Variants in PACS2 observed in about 807,000 individuals in gnomAD.
PACS2 encodes phosphofurin acidic cluster sorting protein 2, also known as PACS1-like protein.
PACS2 carries 36 observed loss-of-function variants against 113.0 expected under a neutral mutation model. The observed-to-expected ratio is 0.32, with a 90% CI of 0.24 to 0.42. PACS2 has a LOEUF of 0.42. Ranked by LOEUF, PACS2 falls within the 10% of genes least tolerant of loss-of-function variation. The pLI, the probability that PACS2 is intolerant of heterozygous loss-of-function variation, is 1.00. For synonymous variants in PACS2, 589 were observed against 536.1 expected (o/e 1.10, Z -1.36); for missense variants, 1,015 against 1,239.5 (o/e 0.82, Z 2.72).
In PACS2 at chr14:105,356,067, G is replaced by A. The variant is rs1376213895; in HGVS notation, c.423+890G>A. Among the ~76,000 whole-genome samples, 14 of 152,178 alleles carry A rather than the reference G, an allele frequency of 9.2e-5. No homozygotes were observed. The highest frequency in any genetic ancestry group is 3.1e-4 in the African/African-American group (13 of 41,436). On this transcript the variant is annotated intron_variant, in intron 4 of 24. Transcript: ENST00000447393. This position sits in a 1 kb window ranked among gnomAD's most constrained non-coding sequence, Gnocchi z 4.0. ...CAGCCCCTCATTGGGAGCCGGAGAT[G>A]CCAGAGCCCCCCAGCCCCTCTTCTT... is the stretch of plus-strand genomic sequence containing the variant.
At chr14:105,359,266 C>T (rs1774432158) in intron 4 of PACS2, among the ~76,000 whole-genome samples, 1 of 152,106 alleles carries the variant, frequency 6.6e-6, no homozygotes, top group African/African-American at 2.4e-5. Flanking sequence ...TCACAGGCAC[C>T]ACTTAATGTC....
Position 105,337,061 on chromosome 14 carries a change from C to T in PACS2, c.120-11432C>T, listed in dbSNP as rs587723547. On this transcript the variant is annotated intron_variant, in intron 1 of 24. Transcript: ENST00000447393. The stretch of plus-strand genomic sequence containing the variant: ...GCATCACTGGGCCCTCGGTCAGCAC[C>T]GCGTGGCCCTCCACACTGTGGAATA... Among the ~76,000 whole-genome samples the T allele has an allele frequency of 1.2e-4, 18 of 152,328 alleles. No individual in the cohort carries two copies. The East Asian group carries it at 1.9e-3, about 16-fold the overall frequency.
intron 4 of PACS2, among the ~76,000 whole-genome samples, chr14:105,360,676 G>A (rs143889615): frequency 1.4e-4 from 22 of 152,274 alleles, no homozygotes; most frequent in Admixed American, 2.0e-4. Flanking sequence ...GAAGGCTAGG[G>A]TGCCTGTGGC....
intron 1 of PACS2, among the ~76,000 whole-genome samples, chr14:105,331,141 G>A (rs2059290387): frequency 6.6e-6 from 1 of 152,024 alleles, no homozygotes; most frequent in South Asian, 2.1e-4. Context: ...TTTTAGTAGA[G>A]ACGGGGTTTC....
chr14:105,367,393 C>T lies in PACS2; in HGVS notation c.586+18C>T. Reference sequence around the variant, plus strand: ...GTCCACGGGTGAGTGTGGTGCCAGCCCGCTCCTGCCCCTGCTGTGGGGAGG... The same window carrying T: ...GTCCACGGGTGAGTGTGGTGCCAGCTCGCTCCTGCCCCTGCTGTGGGGAGG... On this transcript the variant is annotated intron_variant, in intron 5 of 24. Coordinates refer to ENST00000447393, the MANE Select transcript of PACS2 (RefSeq NM_001100913.3). 6.2e-7 allele frequency: 1 copy of T among 1,608,206 alleles called. No individual in the cohort carries two copies. Among genetic ancestry groups the T allele is most frequent in the South Asian group, 1.1e-5 (1 of 91,016 alleles).
At chr14:105,391,291 G>A in intron 21 of PACS2, 42 bp downstream of exon 21, 1 of 1,502,266 alleles carries the variant, frequency 6.7e-7, no homozygotes, top group Non-Finnish European at 9.3e-7. Flanking sequence ...TGGCCCGTGG[G>A]TGGGCTGCAG....
chr14:105,320,152 A>G (rs1378541542), intron 1 of PACS2, among the ~76,000 whole-genome samples: 1 of 151,332 alleles, frequency 6.6e-6, no homozygotes, highest in Non-Finnish European at 1.5e-5. Context: ...GAATTTTTGT[A>G]TTTTTAGTAG....
Position 105,357,569 on chromosome 14 carries a change from G to A in PACS2, c.423+2392G>A, listed in dbSNP as rs949497826. On this transcript the variant is annotated intron_variant, in intron 4 of 24. Coordinates refer to ENST00000447393, the MANE Select transcript of PACS2 (RefSeq NM_001100913.3). The surrounding 1 kb of genome is among the most constrained non-coding windows in gnomAD (Gnocchi z 5.1). The stretch of plus-strand genomic sequence containing the variant: ...CCCATGTGTCCCCGAGCACCAGGGC[G>A]GTTCATGGGCTCCCTGTGTCCTGCC... Among the ~76,000 whole-genome samples the A allele has an allele frequency of 2.0e-5, 3 of 152,160 alleles. No individual in the cohort carries two copies. The highest frequency in any genetic ancestry group is 7.2e-5 in the African/African-American group (3 of 41,446).
upstream of PACS2, chr14:105,314,552 C>T (rs1315776309): frequency 6.8e-6 from 1 of 146,422 alleles, no homozygotes; most frequent in Admixed American, 6.7e-5. Flanking sequence ...CGTGAGGCGC[C>T]GCCGGAGGAA....
In PACS2 at chr14:105,383,498, CT is replaced by C. The variant is rs782705042; in HGVS notation, c.1766del (p.Leu589ArgfsTer14). 5.0e-6 allele frequency: 8 copies of C among 1,597,764 alleles called. No individual in the cohort carries two copies. The highest frequency in any genetic ancestry group is 8.5e-7 in the Non-Finnish European group (1 of 1,172,454). ...CGACTGGCTCGGCTACATGCGCTTC[CT>C]GGTCATCCCACTGGGTGAGCACCAC... ...TPDWLGYMRF[L>X]VIPLGSHPVA... On this transcript the variant is annotated frameshift_variant, in exon 16 of 25. Transcript: ENST00000447393. LOFTEE classifies it high-confidence loss of function.
At chr14:105,361,176 C>T (rs2060664741) in intron 4 of PACS2, among the ~76,000 whole-genome samples, 2 of 152,336 alleles carry the variant, frequency 1.3e-5, no homozygotes, top group Admixed American at 6.5e-5. Flanking sequence ...CCATGAATCA[C>T]AGATGTTCTT....
chr14:105,344,721 ATTGT>A (rs2059855042), intron 1 of PACS2, among the ~76,000 whole-genome samples: 1 of 151,962 alleles, frequency 6.6e-6, no homozygotes, highest in Non-Finnish European at 1.5e-5. Flanking sequence ...GTTTTATTTT[ATTGT>A]TTATCTATTT....
intron 23 of PACS2, among the ~76,000 whole-genome samples, 170 bp from the exon 24 acceptor site, chr14:105,393,052 T>TGG (rs2081414468): frequency 6.6e-6 from 1 of 152,122 alleles, no homozygotes; most frequent in South Asian, 2.1e-4. Flanking sequence ...GGAGGCCAGC[T>TGG]GGGTGGGCAG....
At position 105,376,926 on chromosome 14, in the gene PACS2, G is replaced by A; in HGVS notation, c.959+1G>A. 2 of 1,606,356 alleles carry A rather than the reference G, an allele frequency of 1.2e-6. No homozygotes were observed. Among genetic ancestry groups the A allele is most frequent in the Admixed American group, 1.7e-5 (1 of 59,386 alleles). On this transcript the variant is annotated splice_donor_variant, in intron 9 of 24. Transcript: ENST00000447393. LOFTEE classifies it high-confidence loss of function. This position sits in a 1 kb window ranked among gnomAD's most constrained non-coding sequence, Gnocchi z 4.7. Reference sequence around the variant, plus strand: ...TCAGCACCCCCAAGCCGAAGCTGCGGTGAGCCCTACAGGGCGGGGCGGGGA... The same window carrying A: ...TCAGCACCCCCAAGCCGAAGCTGCGATGAGCCCTACAGGGCGGGGCGGGGA...
At position 105,366,871 on chromosome 14, in the gene PACS2, CG is replaced by C. The variant is rs2060959653; in HGVS notation, c.424-340del. 6.6e-6 allele frequency among the ~76,000 whole-genome samples: 1 copy of C among 152,182 alleles called. No homozygotes were observed. Reference sequence around the variant, plus strand: ...GTCGTGCCTGAGATCAGGAGGGCCGCGGACACCCCTGTCTGTCCATCTCAGT... The same window carrying C: ...GTCGTGCCTGAGATCAGGAGGGCCGCGACACCCCTGTCTGTCCATCTCAGT... On this transcript the variant is annotated intron_variant, in intron 4 of 24. Transcript: ENST00000447393. The surrounding 1 kb of genome is among the most constrained non-coding windows in gnomAD (Gnocchi z 4.3).
rs587719454 is a variant in PACS2, at chr14:105,356,669, G to A, written c.423+1492G>A. On this transcript the variant is annotated intron_variant, in intron 4 of 24. Transcript: ENST00000447393. The surrounding 1 kb of genome is among the most constrained non-coding windows in gnomAD (Gnocchi z 4.0). ...TCTGTTTCCCATTAGCCATGCAGGCGAGGTCCTGCTGATCCCTGCCGGTCC... is the reference window on the plus strand; with the variant it reads ...TCTGTTTCCCATTAGCCATGCAGGCAAGGTCCTGCTGATCCCTGCCGGTCC... 7.2e-4 allele frequency among the ~76,000 whole-genome samples: 109 copies of A among 152,066 alleles called. No homozygotes were observed. Among genetic ancestry groups the A allele is most frequent in the Non-Finnish European group, 8.4e-4 (57 of 67,984 alleles).
intron 1 of PACS2, among the ~76,000 whole-genome samples, chr14:105,326,249 G>A (rs187438689): frequency 1.9e-3 from 294 of 152,158 alleles, no homozygotes; most frequent in Middle Eastern, 6.8e-3. Flanking sequence ...GTTGAGACCC[G>A]CACCTGCTTC....
At chr14:105,333,769 C>G (rs1449361510) in intron 1 of PACS2, among the ~76,000 whole-genome samples, 1 of 152,234 alleles carries the variant, frequency 6.6e-6, no homozygotes, top group East Asian at 1.9e-4. Context: ...GCCTGTCACC[C>G]TTCTCACTGA....
chr14:105,334,519 A>G (rs1249033142), intron 1 of PACS2, among the ~76,000 whole-genome samples: 2 of 144,498 alleles, frequency 1.4e-5, no homozygotes, highest in Non-Finnish European at 3.0e-5. Flanking sequence ...GAGGCCCAAT[A>G]TGTGCGTAGA....
Sources: gnomAD v4.1 joint callset for allele counts (sites outside exome capture counted in the v4.1 genomes callset) on GRCh38, gnomAD v4.1.1 for gene constraint, Gnocchi (gnomAD v3.1) non-coding constraint, MANE v1.5 for transcripts, NCBI Gene and HGNC (gene_info 2026-07-23, HGNC 2026-07-21) for gene names.